SPATA17: variants seen among roughly 807,000 people sequenced by gnomAD.
The protein encoded by SPATA17 is spermatogenesis associated 17.
A neutral mutation model predicts 62.2 loss-of-function variants in SPATA17; 53 were observed. The observed-to-expected ratio is 0.85, with a 90% CI of 0.68 to 1.07. The LOEUF (loss-of-function observed/expected upper bound fraction) is 1.07, where lower values mean the gene tolerates loss of function less well. Among genes scored for constraint, SPATA17 ranks in the 50% least tolerant of loss-of-function variants. SPATA17 has a pLI of 0.00. For missense variants in SPATA17, 466 were observed against 425.5 expected (o/e 1.10, Z -0.84); for synonymous variants, 146 against 146.8 (o/e 0.99, Z 0.04).
intron 8 of SPATA17, among the ~76,000 whole-genome samples, chr1:217,793,289 C>G (rs868836243): frequency 1.4e-5 from 2 of 138,700 alleles, no homozygotes; most frequent in African/African-American, 5.3e-5. Context: ...GGCACGATCT[C>G]GGCTCACTGC....
intron 5 of SPATA17, among the ~76,000 whole-genome samples, chr1:217,734,655 T>C (rs1371520926): frequency 2.0e-5 from 3 of 152,244 alleles, no homozygotes; most frequent in Admixed American, 6.5e-5. Context: ...ATTTTGTTTT[T>C]ATTTAAGAAA....
intron 9 of SPATA17, among the ~76,000 whole-genome samples, chr1:217,850,948 T>C (rs116608159): frequency 0.017 from 2,555 of 152,116 alleles, 73 homozygotes; most frequent in African/African-American, 0.058. Context: ...GCATTCAGGG[T>C]AGGGAAATTT....
At chr1:217,769,150 T>C (rs1384985736) in intron 6 of SPATA17, among the ~76,000 whole-genome samples, 1 of 152,226 alleles carries the variant, frequency 6.6e-6, no homozygotes, top group Non-Finnish European at 1.5e-5. Flanking sequence ...TACATTTTAG[T>C]TAACTAGCTA....
intron 8 of SPATA17, among the ~76,000 whole-genome samples, chr1:217,799,214 G>A (rs1674233231): frequency 6.6e-6 from 1 of 152,074 alleles, no homozygotes; most frequent in East Asian, 1.9e-4. Context: ...ATGTATATAT[G>A]TTACTTTCAT....
chr1:217,786,730 TAGA>T (rs1673872513), intron 8 of SPATA17, among the ~76,000 whole-genome samples: 1 of 151,484 alleles, frequency 6.6e-6, no homozygotes, highest in Admixed American at 6.6e-5. Context: ...ACTAAAATGA[TAGA>T]AGGATTTGAT....
intron 6 of SPATA17, among the ~76,000 whole-genome samples, chr1:217,773,311 A>G (rs1673500521): frequency 6.6e-6 from 1 of 152,162 alleles, no homozygotes; most frequent in Non-Finnish European, 1.5e-5. Flanking sequence ...TACATTTAAT[A>G]TATAGTCCAG....
At chr1:217,837,826 G>T (rs188159270) in intron 9 of SPATA17, among the ~76,000 whole-genome samples, 1 of 152,162 alleles carries the variant, frequency 6.6e-6, no homozygotes, top group African/African-American at 2.4e-5. Flanking sequence ...CATTTGTTGA[G>T]TATGTAACTC....
chr1:217,700,038 C>T (rs1262910177), intron 5 of SPATA17, among the ~76,000 whole-genome samples: 3 of 152,104 alleles, frequency 2.0e-5, no homozygotes, highest in Admixed American at 6.5e-5. Flanking sequence ...ATCCCACTGA[C>T]AAAACACACT....
chr1:217,639,886 C>T (rs1220123965), intron 1 of SPATA17, among the ~76,000 whole-genome samples: 3 of 152,028 alleles, frequency 2.0e-5, no homozygotes, highest in African/African-American at 7.2e-5. Flanking sequence ...ACGCATCCCC[C>T]AGTCCCAAAG....
At chr1:217,645,723 A>T (rs1304684492) in intron 1 of SPATA17, among the ~76,000 whole-genome samples, 1 of 152,072 alleles carries the variant, frequency 6.6e-6, no homozygotes, top group East Asian at 1.9e-4. Context: ...ATGTTGTTGT[A>T]TCTTTTCCAT....
intron 6 of SPATA17, among the ~76,000 whole-genome samples, chr1:217,766,252 T>C (rs1448061374): frequency 6.6e-6 from 1 of 152,066 alleles, no homozygotes; most frequent in African/African-American, 2.4e-5. Flanking sequence ...CTTTGCTTCT[T>C]ATTTTGTCTT....
chr1:217,774,258 A>G, intron 6 of SPATA17, 76 bp from the exon 7 acceptor site: 1 of 1,283,262 alleles, frequency 7.8e-7, no homozygotes, highest in Admixed American at 2.3e-5. Flanking sequence ...ATAAGAAAAA[A>G]TTTCATGGTA....
At chr1:217,729,235 C>A (rs1672341393) in intron 5 of SPATA17, among the ~76,000 whole-genome samples, 1 of 152,146 alleles carries the variant, frequency 6.6e-6, no homozygotes, top group South Asian at 2.1e-4. Context: ...CATGGCAATT[C>A]TTTGAATTCA....
At chr1:217,848,271 CT>C (rs1675571979) in intron 9 of SPATA17, among the ~76,000 whole-genome samples, 1 of 152,160 alleles carries the variant, frequency 6.6e-6, no homozygotes, top group Admixed American at 6.6e-5. Context: ...GAGGCCACCA[CT>C]TTCAGCTCTT....
At chr1:217,856,111 G>C (rs1675780846) in intron 9 of SPATA17, among the ~76,000 whole-genome samples, 1 of 152,100 alleles carries the variant, frequency 6.6e-6, no homozygotes, top group Admixed American at 6.6e-5. Flanking sequence ...TTACAATTTA[G>C]ATATACCCAC....
intron 9 of SPATA17, chr1:217,850,667 A>G: frequency 6.6e-7 from 1 of 1,515,632 alleles, no homozygotes; most frequent in South Asian, 1.2e-5. Flanking sequence ...GATGCTGCGA[A>G]TCGCCAGTCA....
At chr1:217,866,766 C>CTA (rs1308316995) in intron 10 of SPATA17, 1 of 151,504 alleles carries the variant, frequency 6.6e-6, no homozygotes, top group Non-Finnish European at 1.5e-5. Context: ...CTAGGACCTC[C>CTA]TAACATTAAC....
intron 5 of SPATA17, among the ~76,000 whole-genome samples, chr1:217,739,154 CAG>C (rs1390950738): frequency 4.0e-5 from 6 of 151,882 alleles, no homozygotes; most frequent in Non-Finnish European, 5.9e-5. Context: ...AAAACTATAT[CAG>C]AAAATGTTTT....
At chr1:217,822,249 T>A (rs1674881759) in intron 9 of SPATA17, among the ~76,000 whole-genome samples, 2 of 152,206 alleles carry the variant, frequency 1.3e-5, no homozygotes, top group Admixed American at 6.6e-5. Flanking sequence ...GAATATTTTT[T>A]ATTATCATTA....
Sources: gnomAD v4.1 joint callset for allele counts (sites outside exome capture counted in the v4.1 genomes callset) on GRCh38, gnomAD v4.1.1 for gene constraint, MANE v1.5 for transcripts, NCBI Gene and HGNC (gene_info 2026-07-23, HGNC 2026-07-21) for gene names.